Variants in AGBL1 observed in about 807,000 individuals in gnomAD.
The protein encoded by AGBL1 is cytosolic carboxypeptidase 4.
AGBL1 carries 130 observed loss-of-function variants against 118.9 expected under a neutral mutation model. The ratio of observed to expected loss-of-function variants is 1.09; its 90% CI spans 0.95 to 1.26. AGBL1 has a LOEUF of 1.26. Ranked by LOEUF, AGBL1 falls within the 50% of genes most tolerant of loss-of-function variation. The pLI is 0.00. For synonymous variants in AGBL1, 555 were observed against 478.9 expected (o/e 1.16, Z -2.08); for missense variants, 1,584 against 1,298.1 (o/e 1.22, Z -3.38).
chr15:86,164,735 T>A (rs2077313866), intron 5 of AGBL1, among the ~76,000 whole-genome samples: 1 of 152,294 alleles, frequency 6.6e-6, no homozygotes, highest in East Asian at 1.9e-4. Flanking sequence ...ATAAGTATCA[T>A]AGCCAATTGG....
chr15:86,687,503 C>A (rs915929236), intron 22 of AGBL1, among the ~76,000 whole-genome samples: 19 of 152,056 alleles, frequency 1.2e-4, no homozygotes, highest in Non-Finnish European at 1.3e-4. Context: ...TAACCTGAAA[C>A]CTTGGAGAAT....
intron 1 of AGBL1, among the ~76,000 whole-genome samples, chr15:86,102,031 T>C (rs977549218): frequency 1.3e-5 from 2 of 151,130 alleles, no homozygotes; most frequent in African/African-American, 4.8e-5. Context: ...ATCCTTTCTC[T>C]CTCTCTCTCT....
chr15:86,956,242 T>C (rs1170613038), intron 23 of AGBL1, among the ~76,000 whole-genome samples: 1 of 151,732 alleles, frequency 6.6e-6, no homozygotes, highest in Non-Finnish European at 1.5e-5. Flanking sequence ...GATAGATAGA[T>C]AGATAGATAG....
At chr15:87,009,761 G>A (rs781555790) in intron 24 of AGBL1, among the ~76,000 whole-genome samples, 17 of 152,302 alleles carry the variant, frequency 1.1e-4, no homozygotes, top group East Asian at 1.9e-4. Flanking sequence ...AAGACATGGC[G>A]TCAAAGGAGA....
chr15:86,271,885 G>A (rs1036479116), intron 15 of AGBL1, among the ~76,000 whole-genome samples, 179 bp downstream of exon 15: 3 of 152,178 alleles, frequency 2.0e-5, no homozygotes, highest in Admixed American at 6.5e-5. Context: ...TCACTGGCAC[G>A]CACAGTAGAC....
intron 22 of AGBL1, among the ~76,000 whole-genome samples, chr15:86,674,760 C>G (rs2085808348): frequency 1.3e-5 from 2 of 152,116 alleles, no homozygotes; most frequent in South Asian, 4.1e-4. Context: ...TATATGTATA[C>G]AGATAACATT....
chr15:86,735,651 G>GATATATATATATATATATATAT (rs1196938111), intron 22 of AGBL1, among the ~76,000 whole-genome samples: 1 of 111,122 alleles, frequency 9.0e-6, no homozygotes, highest in African/African-American at 4.2e-5. Flanking sequence ...CTGCTACAAA[G>GATATATATATATATATATATAT]AGAGATATAT....
At chr15:86,487,224 G>A (rs1273416865) in intron 18 of AGBL1, among the ~76,000 whole-genome samples, 1 of 151,944 alleles carries the variant, frequency 6.6e-6, no homozygotes, top group Non-Finnish European at 1.5e-5. Flanking sequence ...AGGGTGCAGC[G>A]TTCATCCAGA....
intron 1 of AGBL1, chr15:86,080,341 G>A: frequency 4.5e-6 from 1 of 221,494 alleles, no homozygotes; most frequent in Non-Finnish European, 8.8e-6. Flanking sequence ...AAGGGGACCT[G>A]TTGAGGCTCC....
intron 21 of AGBL1, among the ~76,000 whole-genome samples, chr15:86,637,195 G>C (rs575399365): frequency 2.7e-4 from 41 of 152,218 alleles, no homozygotes; most frequent in Non-Finnish European, 5.4e-4. Flanking sequence ...ACACAAATAT[G>C]TAACCTATAA....
chr15:86,861,319 C>T (rs2141480629), intron 22 of AGBL1, among the ~76,000 whole-genome samples: 1 of 152,250 alleles, frequency 6.6e-6, no homozygotes, highest in Non-Finnish European at 1.5e-5. Flanking sequence ...CCAGCAGCTA[C>T]AAATGATGAT....
At chr15:86,664,462 T>C (rs1596348925) in intron 21 of AGBL1, among the ~76,000 whole-genome samples, 1 of 152,186 alleles carries the variant, frequency 6.6e-6, no homozygotes, top group East Asian at 1.9e-4. Context: ...TCAGAGCCTC[T>C]CCAAACCTGT....
intron 18 of AGBL1, among the ~76,000 whole-genome samples, chr15:86,438,703 C>T (rs1486259631): frequency 6.7e-6 from 1 of 148,592 alleles, no homozygotes; most frequent in Non-Finnish European, 1.5e-5. Context: ...GCTCTGTCAC[C>T]CAGGCTGGAG....
At chr15:87,024,903 G>A (rs777492869) in intron 24 of AGBL1, among the ~76,000 whole-genome samples, 3 of 152,000 alleles carry the variant, frequency 2.0e-5, no homozygotes, top group Non-Finnish European at 2.9e-5. Flanking sequence ...AATAGATGCA[G>A]AAAAAGCATT....
chr15:86,131,644 G>A (rs1470791528), intron 1 of AGBL1, among the ~76,000 whole-genome samples: 4 of 152,054 alleles, frequency 2.6e-5, no homozygotes, highest in African/African-American at 4.8e-5. Context: ...GGTAGACACC[G>A]AATGGTAATA....
At position 86,143,688 on chromosome 15, in the gene AGBL1, T is replaced by G; in HGVS notation, c.116-11T>G. On this transcript the variant is annotated splice_polypyrimidine_tract_variant and intron_variant, in intron 2 of 22. Coordinates refer to ENST00000614907, the MANE Select transcript of AGBL1 (RefSeq NM_001386094.1). ...TACTTGTGGCTCATCTTTCCTCCGG[T>G]TTCCCCTCAGGCACAGACCGGAGAA... 1.2e-6 allele frequency: 2 copies of G among 1,612,328 alleles called. No homozygotes were observed. Among genetic ancestry groups the G allele is most frequent in the Non-Finnish European group, 1.7e-6 (2 of 1,178,992 alleles).
intron 18 of AGBL1, among the ~76,000 whole-genome samples, chr15:86,463,126 C>T (rs1402392128): frequency 6.6e-6 from 1 of 152,164 alleles, no homozygotes; most frequent in African/African-American, 2.4e-5. Context: ...TTAATGATCG[C>T]CATTCTAACT....
intron 22 of AGBL1, among the ~76,000 whole-genome samples, chr15:86,755,646 G>A (rs181023356): frequency 1.4e-3 from 214 of 152,148 alleles, no homozygotes; most frequent in African/African-American, 4.6e-3. Context: ...TCTTACTTTT[G>A]TGAATGTGTT....
chr15:86,135,878 C>T (rs990803319), intron 1 of AGBL1, among the ~76,000 whole-genome samples: 2 of 152,118 alleles, frequency 1.3e-5, no homozygotes, highest in Non-Finnish European at 2.9e-5. Flanking sequence ...GAGGCTAAGA[C>T]AAAAGAAGCC....
Sources: allele counts gnomAD v4.1 joint callset (sites outside exome capture counted in the v4.1 genomes callset), GRCh38; gene constraint gnomAD v4.1.1; transcripts MANE v1.5; gene names NCBI Gene and HGNC (gene_info 2026-07-23, HGNC 2026-07-21).